The following RBFOX2 variants were observed in gnomAD, a reference collection of about 807,000 sequenced individuals.
RBFOX2 encodes the protein RNA binding protein fox-1 homolog 2.
A neutral mutation model predicts 49.1 loss-of-function variants in RBFOX2; 10 were observed. The observed-to-expected ratio is 0.20, with a 90% CI of 0.13 to 0.35. RBFOX2 has a LOEUF of 0.35. RBFOX2 is among the 10% of genes least tolerant of loss of function. The probability of loss-of-function intolerance (pLI) is 1.00; values close to 1 mark genes in which losing one functional copy is unlikely to be tolerated. For synonymous variants in RBFOX2, 183 were observed against 187.4 expected (o/e 0.98, Z 0.19); for missense variants, 323 against 486.9 (o/e 0.66, Z 3.17).
chr22:35,799,049 G>A (rs1172005004), intron 2 of RBFOX2, among the ~76,000 whole-genome samples: 1 of 152,132 alleles, frequency 6.6e-6, no homozygotes, highest in Non-Finnish European at 1.5e-5. Flanking sequence ...CCCACCACTA[G>A]AAAGCACTTG....
chr22:35,769,036 T>C (rs969052470), intron 4 of RBFOX2, among the ~76,000 whole-genome samples: 3 of 152,198 alleles, frequency 2.0e-5, no homozygotes, highest in African/African-American at 7.2e-5. Context: ...AATTATAACT[T>C]TTCTTCAATG....
At chr22:35,876,033 A>T (rs574635987) in intron 1 of RBFOX2, among the ~76,000 whole-genome samples, 2 of 152,298 alleles carry the variant, frequency 1.3e-5, no homozygotes, top group African/African-American at 4.8e-5. Flanking sequence ...AAAAAATGCA[A>T]ATCACCGATA....
At chr22:35,827,511 A>T (rs530026965) in intron 1 of RBFOX2, among the ~76,000 whole-genome samples, 1 of 152,338 alleles carries the variant, frequency 6.6e-6, no homozygotes, top group South Asian at 2.1e-4. Flanking sequence ...AACCTCACTC[A>T]ATACTAAAGA....
chr22:35,740,026 C>G (rs1007205909), exon 12 of RBFOX2: 1 of 152,710 alleles, frequency 6.5e-6, no homozygotes, highest in African/African-American at 2.4e-5. Context: ...AACTGCAATA[C>G]TTCAGGAACC....
intron 1 of RBFOX2, among the ~76,000 whole-genome samples, 172 bp downstream of exon 2, chr22:35,938,675 T>A (rs1302222632): frequency 6.6e-6 from 1 of 152,222 alleles, no homozygotes; most frequent in East Asian, 1.9e-4. Context: ...ATAATACTTA[T>A]AGAATTTAAA....
intron 2 of RBFOX2, among the ~76,000 whole-genome samples, chr22:35,791,686 C>T (rs772609465): frequency 1.3e-5 from 2 of 152,054 alleles, no homozygotes; most frequent in Non-Finnish European, 2.9e-5. Context: ...ATTTTACATA[C>T]AAAAAACCAA....
At chr22:35,774,593 T>C (rs2146890746) in intron 4 of RBFOX2, among the ~76,000 whole-genome samples, 1 of 152,302 alleles carries the variant, frequency 6.6e-6, no homozygotes, top group Middle Eastern at 3.4e-3. Context: ...AAATATGATA[T>C]ATATTCATTC....
intron 1 of RBFOX2, among the ~76,000 whole-genome samples, chr22:36,010,138 C>T (rs1444849022): frequency 6.6e-6 from 1 of 152,126 alleles, no homozygotes; most frequent in African/African-American, 2.4e-5. Context: ...GGGTAGAATG[C>T]AGGCAGTATA....
chr22:36,015,743 T>C (rs189127089), intron 1 of RBFOX2, among the ~76,000 whole-genome samples: 13 of 152,254 alleles, frequency 8.5e-5, no homozygotes, highest in Admixed American at 5.2e-4. Flanking sequence ...AAGCTGAATA[T>C]GGAGAAATTT....
intron 11 of RBFOX2, 49 bp from the exon 14 acceptor site, chr22:35,744,298 C>A: frequency 6.6e-7 from 1 of 1,521,208 alleles, no homozygotes; most frequent in Non-Finnish European, 9.0e-7. Flanking sequence ...ATGAGAGAAG[C>A]ATTAACAGTG....
chr22:35,828,912 G>A (rs975769681), intron 1 of RBFOX2, among the ~76,000 whole-genome samples: 1 of 152,008 alleles, frequency 6.6e-6, no homozygotes, highest in Non-Finnish European at 1.5e-5. Context: ...TTAGCCAGGC[G>A]TGGTGGTACG....
chr22:35,963,627 T>C (rs2056386245), upstream of RBFOX2, among the ~76,000 whole-genome samples: 1 of 152,350 alleles, frequency 6.6e-6, no homozygotes, highest in African/African-American at 2.4e-5. Context: ...AAGCTCCATT[T>C]ATCTACTCTT....
chr22:36,013,685 C>T (rs2058920255), intron 1 of RBFOX2, among the ~76,000 whole-genome samples: 1 of 150,326 alleles, frequency 6.7e-6, no homozygotes, highest in African/African-American at 2.5e-5. Flanking sequence ...CTAATGAAAA[C>T]TTTAATAGAC....
At chr22:36,028,319 C>T (rs2059530145) in exon 1 of RBFOX2, 5 of 1,512,458 alleles carry the variant, frequency 3.3e-6, no homozygotes, top group South Asian at 1.2e-5. Flanking sequence ...TCCGTCTCCT[C>T]CCGCTCCGGG....
At chr22:35,932,516 T>C (rs1355882886) in intron 1 of RBFOX2, among the ~76,000 whole-genome samples, 2 of 152,260 alleles carry the variant, frequency 1.3e-5, no homozygotes, top group African/African-American at 4.8e-5. Context: ...GGACATTGTG[T>C]CTTTCAACAG....
rs184541576 is a variant in RBFOX2, at chr22:35,953,339, A to G, written c.42+8224T>C. 3.5e-4 allele frequency among the ~76,000 whole-genome samples: 54 copies of G among 152,304 alleles called. No individual in the cohort carries two copies. In the South Asian group the frequency reaches 0.01, roughly 29 times the overall value. On this transcript the variant is annotated intron_variant, in intron 1 of 5. Transcript: ENST00000408983. ...ATTCAGTTATAAAAAGGAAAGAAGT[A>G]CTGATATATGCTACAACATGGATAA...
intron 1 of RBFOX2, among the ~76,000 whole-genome samples, chr22:35,935,665 A>G (rs182377338): frequency 6.6e-6 from 1 of 152,320 alleles, no homozygotes; most frequent in Admixed American, 6.5e-5. Context: ...AAGCCCCCAC[A>G]TGGTAAATAA....
chr22:35,800,919 G>A (rs1024941767), intron 2 of RBFOX2, among the ~76,000 whole-genome samples: 3 of 152,204 alleles, frequency 2.0e-5, no homozygotes, highest in Non-Finnish European at 4.4e-5. Flanking sequence ...ATTTGGCTTT[G>A]CCTAGAAAAG....
At chr22:35,862,548 C>T (rs2043216521) in intron 1 of RBFOX2, among the ~76,000 whole-genome samples, 1 of 152,116 alleles carries the variant, frequency 6.6e-6, no homozygotes, top group Admixed American at 6.5e-5. Flanking sequence ...CCTCACTTTG[C>T]CAGACATATC....
Sources: gnomAD v4.1 joint callset for allele counts (sites outside exome capture counted in the v4.1 genomes callset) on GRCh38, gnomAD v4.1.1 for gene constraint, MANE v1.5 for transcripts, NCBI Gene and HGNC (gene_info 2026-07-23, HGNC 2026-07-21) for gene names.